The following PAIP2B variants were observed in gnomAD, a reference collection of about 807,000 sequenced individuals.
PAIP2B encodes polyadenylate-binding protein-interacting protein 2B.
PAIP2B carries 13 observed loss-of-function variants against 17.0 expected under a neutral mutation model. That is an observed-to-expected ratio of 0.76 (90% CI 0.50 to 1.22). PAIP2B has a LOEUF of 1.22. Among genes scored for constraint, PAIP2B ranks in the 50% most tolerant of loss-of-function variants. The probability of loss-of-function intolerance (pLI) is 0.00; values close to 1 mark genes in which losing one functional copy is unlikely to be tolerated. For synonymous variants in PAIP2B, 43 were observed against 48.7 expected, an observed-to-expected ratio of 0.88 and a Z score of 0.48; for missense variants, 117 against 144.5, an observed-to-expected ratio of 0.81 and a Z score of 0.98.
chr2:71,183,496 C>T lies in PAIP2B; in HGVS notation c.*4983G>A, dbSNP rs1466930500. 3.8e-5 allele frequency: 5 copies of T among 132,734 alleles called. No homozygotes were observed. The highest frequency in any genetic ancestry group is 5.5e-4 in the South Asian group (2 of 3,630). 8.2% of individuals were successfully genotyped at this position (132,734 alleles called of 1,614,324 possible). ...ACAGCAGCTTCCCCTATAAGTCCTA[C>T]GTTCGGAGGGTTCCGTTTAGACAAC... On this transcript the variant is annotated 3_prime_UTR_variant, in exon 4 of 4. Transcript: ENST00000244221.
At chr2:71,219,417 G>A (rs951778358) in intron 1 of PAIP2B, among the ~76,000 whole-genome samples, 2 of 151,820 alleles carry the variant, frequency 1.3e-5, no homozygotes, top group Admixed American at 1.3e-4. Flanking sequence ...GCCCATTTTC[G>A]GGATGTGCAC....
chr2:71,225,129 A>G (rs549997261), intron 1 of PAIP2B, among the ~76,000 whole-genome samples: 36 of 152,166 alleles, frequency 2.4e-4, no homozygotes, highest in Admixed American at 5.2e-4. Flanking sequence ...GGTTCAAGCA[A>G]TCCTCCTGCC....
At chr2:71,194,199 G>A (rs973797511) in intron 2 of PAIP2B, among the ~76,000 whole-genome samples, 7 of 152,164 alleles carry the variant, frequency 4.6e-5, no homozygotes, top group African/African-American at 9.6e-5. Flanking sequence ...TTGGCTATTC[G>A]TGCACTTTTT....
intron 1 of PAIP2B, among the ~76,000 whole-genome samples, chr2:71,224,524 AG>A (rs1675672164): frequency 6.6e-6 from 1 of 152,218 alleles, no homozygotes; most frequent in African/African-American, 2.4e-5. Context: ...TTGAAGAAAC[AG>A]AATTTCACCA....
intron 1 of PAIP2B, among the ~76,000 whole-genome samples, chr2:71,216,435 CTGT>C (rs1675431975): frequency 6.6e-6 from 1 of 152,190 alleles, no homozygotes; most frequent in Non-Finnish European, 1.5e-5. Flanking sequence ...TGTTATGTCA[CTGT>C]GTATTGCTTG....
chr2:71,209,428 T>C (rs1178962615), intron 1 of PAIP2B, among the ~76,000 whole-genome samples: 1 of 152,174 alleles, frequency 6.6e-6, no homozygotes, highest in African/African-American at 2.4e-5. Flanking sequence ...GAATATTTAT[T>C]TTCGAATAGC....
intron 1 of PAIP2B, among the ~76,000 whole-genome samples, chr2:71,208,545 G>A (rs775642822): frequency 2.6e-5 from 4 of 151,916 alleles, no homozygotes; most frequent in East Asian, 1.9e-4. Context: ...AGAAAATACC[G>A]AACCCAGTGT....
chr2:71,203,822 A>T (rs71400988), intron 1 of PAIP2B, among the ~76,000 whole-genome samples: 10,117 of 151,994 alleles, frequency 0.067, 374 homozygotes, highest in African/African-American at 0.092. Flanking sequence ...CCGGCCTTAA[A>T]TTTTTCTAGC....
At chr2:71,191,682 C>T (rs1189061205) in intron 2 of PAIP2B, among the ~76,000 whole-genome samples, 2 of 152,176 alleles carry the variant, frequency 1.3e-5, no homozygotes, top group African/African-American at 2.4e-5. Context: ...ACTTTGGCAT[C>T]CCTTGGTTAA....
intron 1 of PAIP2B, among the ~76,000 whole-genome samples, chr2:71,217,856 C>T (rs1675468144): frequency 1.3e-5 from 2 of 152,056 alleles, no homozygotes; most frequent in South Asian, 2.1e-4. Flanking sequence ...TACTTGAAGT[C>T]GGGAATTCAG....
intron 1 of PAIP2B, among the ~76,000 whole-genome samples, chr2:71,210,043 C>T (rs1291342001): frequency 6.6e-6 from 1 of 152,152 alleles, no homozygotes; most frequent in African/African-American, 2.4e-5. Context: ...CCAGGATGGT[C>T]TCAATCTCCT....
At chr2:71,193,854 TG>T (rs1213347694) in intron 2 of PAIP2B, among the ~76,000 whole-genome samples, 1 of 152,084 alleles carries the variant, frequency 6.6e-6, no homozygotes, top group Non-Finnish European at 1.5e-5. Context: ...AAAAAAGTTT[TG>T]GGTTTTACAT....
At position 71,188,293 on chromosome 2, in the gene PAIP2B, A is replaced by C. The variant is rs1674594247; in HGVS notation, c.*186T>G. ...ACAAAAGTCAGCAGAACAAAATAGA[A>C]ATACTCAGAGGCTTAGAATAAGACT... On this transcript the variant is annotated 3_prime_UTR_variant, in exon 4 of 4. Transcript: ENST00000244221. 1.8e-6 allele frequency: 1 copy of C among 546,326 alleles called. No individual in the cohort carries two copies. The highest frequency in any genetic ancestry group is 1.9e-5 in the African/African-American group (1 of 52,674). 33.8% of individuals were successfully genotyped at this position (546,326 alleles called of 1,614,324 possible).
Position 71,206,994 on chromosome 2 carries a change from C to G in PAIP2B, c.-11-4394G>C, listed in dbSNP as rs898352845. Among the ~76,000 whole-genome samples the G allele has an allele frequency of 2.6e-5, 4 of 152,174 alleles. No homozygotes were observed. In the East Asian group the frequency reaches 7.7e-4, roughly 29 times the overall value. On this transcript the variant is annotated intron_variant, in intron 1 of 3. Coordinates refer to ENST00000244221, the MANE Select transcript of PAIP2B (RefSeq NM_020459.1). ...TCAGCTACATCTTAACAACTAAGAT[C>G]ATTAAATCTATTCACTCATTAATAT...
At chr2:71,211,258 CAA>C (rs34543785) in intron 1 of PAIP2B, among the ~76,000 whole-genome samples, 7 of 126,832 alleles carry the variant, frequency 5.5e-5, no homozygotes, top group Admixed American at 1.6e-4. Flanking sequence ...AGACTTGTCT[CAA>C]AAAAAAAAAA....
At chr2:71,200,506 C>G (rs993363359) in intron 2 of PAIP2B, among the ~76,000 whole-genome samples, 3 of 152,196 alleles carry the variant, frequency 2.0e-5, no homozygotes, top group Non-Finnish European at 4.4e-5. Flanking sequence ...AATCCCAGCA[C>G]TTTGGGAGGC....
At chr2:71,226,687 G>A (rs1331034194) in intron 1 of PAIP2B, among the ~76,000 whole-genome samples, 2 of 152,184 alleles carry the variant, frequency 1.3e-5, no homozygotes, top group African/African-American at 2.4e-5. Flanking sequence ...GGGGGGGAAA[G>A]GGACGAAAAC....
At chr2:71,214,985 A>G (rs1161355551) in intron 1 of PAIP2B, among the ~76,000 whole-genome samples, 1 of 152,244 alleles carries the variant, frequency 6.6e-6, no homozygotes, top group Non-Finnish European at 1.5e-5. Flanking sequence ...AGATGGTAAA[A>G]ACATCCTTAT....
intron 1 of PAIP2B, among the ~76,000 whole-genome samples, chr2:71,224,053 T>A (rs1431780489): frequency 6.6e-6 from 1 of 152,214 alleles, no homozygotes; most frequent in African/African-American, 2.4e-5. Context: ...AATATGTCAC[T>A]CCTTGCCCAA....
Sources: allele counts gnomAD v4.1 joint callset (sites outside exome capture counted in the v4.1 genomes callset), GRCh38; gene constraint gnomAD v4.1.1; transcripts MANE v1.5; gene names NCBI Gene and HGNC (gene_info 2026-07-23, HGNC 2026-07-21).